Variants in MIER2 observed in about 807,000 individuals in gnomAD.
The protein encoded by MIER2 is mesoderm induction early response protein 2.
A neutral mutation model predicts 67.6 loss-of-function variants in MIER2; 30 were observed. The observed-to-expected ratio is 0.44, with a 90% CI of 0.33 to 0.60. MIER2 has a LOEUF of 0.60. MIER2 is among the 20% of genes least tolerant of loss of function. MIER2 has a pLI of 0.02. For synonymous variants in MIER2, 372 were observed against 312.6 expected (o/e 1.19, Z -2.00); for missense variants, 702 against 745.1 (o/e 0.94, Z 0.67).
chr19:326,978 A>G, intron 5 of MIER2, 155 bp downstream of exon 5: 1 of 1,083,318 alleles, frequency 9.2e-7, no homozygotes. Flanking sequence ...GAGGAGAACA[A>G]AGCACCCCCA....
Position 306,456 on chromosome 19 carries a change from G to A in MIER2, c.*234C>T. The A allele has an allele frequency of 1.6e-6, 1 of 619,174 alleles. No homozygotes were observed. Among genetic ancestry groups the A allele is most frequent in the Non-Finnish European group, 2.8e-6 (1 of 355,684 alleles). 38.4% of individuals were successfully genotyped at this position (619,174 alleles called of 1,614,324 possible). On this transcript the variant is annotated 3_prime_UTR_variant, in exon 14 of 14. Coordinates refer to ENST00000264819, the MANE Select transcript of MIER2 (RefSeq NM_017550.3). ...CGTGCAGGCAGCGGCCCGGACCCGG[G>A]TGGCAGTGCCGGGCGCTGACGGCGC... is the stretch of plus-strand genomic sequence containing the variant.
At position 333,287 on chromosome 19, in the gene MIER2, C is replaced by T. The variant is rs1250045328; in HGVS notation, c.243+1113G>A. ...TGCTGGGATTACAAGCATGAGCCACCGCGCCCAACAATTTTTGTATTTTTA... is the reference window on the plus strand; with the variant it reads ...TGCTGGGATTACAAGCATGAGCCACTGCGCCCAACAATTTTTGTATTTTTA... On this transcript the variant is annotated intron_variant, in intron 3 of 13. Coordinates refer to ENST00000264819, the MANE Select transcript of MIER2 (RefSeq NM_017550.3). Among the ~76,000 whole-genome samples, 22 of 75,952 alleles carry T rather than the reference C, an allele frequency of 2.9e-4. 4 individuals carry two copies. Among genetic ancestry groups the T allele is most frequent in the Non-Finnish European group, 3.7e-4 (16 of 43,172 alleles). 49.8% of individuals were successfully genotyped at this position (75,952 alleles called of 152,430 possible).
At position 340,213 on chromosome 19, in the gene MIER2, C is replaced by T. The variant is rs1330450631; in HGVS notation, c.10-4040G>A. 3.3e-5 allele frequency among the ~76,000 whole-genome samples: 5 copies of T among 152,108 alleles called. 1 individual carries two copies. The highest frequency in any genetic ancestry group is 4.1e-4 in the South Asian group (2 of 4,824). ...AGTTACAAAGTGGAGCTCAGGCCAG[C>T]GGCTTGCAAACACCTTCCAGCCCAT... On this transcript the variant is annotated intron_variant, in intron 1 of 13. Transcript: ENST00000264819.
At chr19:307,052 T>A in intron 13 of MIER2, 67 bp downstream of exon 13, 2 of 1,497,932 alleles carry the variant, frequency 1.3e-6, no homozygotes, top group Non-Finnish European at 1.8e-6. Flanking sequence ...CCTCCTCTGC[T>A]CAGCCTGAGG....
At position 306,714 on chromosome 19, in the gene MIER2, G is replaced by A. The variant is rs1202338043; in HGVS notation, c.1617-3C>T. 1 of 1,560,236 alleles carries A rather than the reference G, an allele frequency of 6.4e-7. No individual in the cohort carries two copies. Among genetic ancestry groups the A allele is most frequent in the Non-Finnish European group, 8.7e-7 (1 of 1,152,140 alleles). The stretch of plus-strand genomic sequence containing the variant: ...GTCAGCAGGTCATCACGTTACAGCT[G>A]CAGGGGAGAGACCAAGAGAGACGCA... On this transcript the variant is annotated splice_region_variant and splice_polypyrimidine_tract_variant and intron_variant, in intron 13 of 13. Coordinates refer to ENST00000264819, the MANE Select transcript of MIER2 (RefSeq NM_017550.3).
chr19:309,838 A>G (rs201564437), intron 10 of MIER2, among the ~76,000 whole-genome samples: 14 of 111,240 alleles, frequency 1.3e-4, no homozygotes, highest in African/African-American at 1.9e-4. Context: ...ACACACACAC[A>G]CACGCACACA....
intron 10 of MIER2, among the ~76,000 whole-genome samples, chr19:310,229 C>G (rs1415011635): frequency 1.3e-5 from 2 of 152,230 alleles, no homozygotes; most frequent in Non-Finnish European, 2.9e-5. Flanking sequence ...GACCCCCTCA[C>G]CTGGACATGC....
rs979384465 is a variant in MIER2 at position 306,419 on chromosome 19, C to T, written c.*271G>A. 7 of 586,808 alleles carry T rather than the reference C, an allele frequency of 1.2e-5. No individual in the cohort carries two copies. Among genetic ancestry groups the T allele is most frequent in the South Asian group, 2.1e-5 (1 of 48,598 alleles). 36.4% of individuals were successfully genotyped at this position (586,808 alleles called of 1,614,324 possible). On this transcript the variant is annotated 3_prime_UTR_variant, in exon 14 of 14. Transcript: ENST00000264819. The stretch of plus-strand genomic sequence containing the variant: ...GGGGTCTCTTCTGTCCCCGGCTGCC[C>T]GACGGATCCCACGTGCAGGCAGCGG...
chr19:327,850 G>A lies in MIER2; in HGVS notation c.369+14C>T. The A allele has an allele frequency of 1.2e-6, 2 of 1,610,608 alleles. No individual in the cohort carries two copies. Among genetic ancestry groups the A allele is most frequent in the Non-Finnish European group, 1.7e-6 (2 of 1,178,366 alleles). On this transcript the variant is annotated intron_variant, in intron 4 of 13. Coordinates refer to ENST00000264819, the MANE Select transcript of MIER2 (RefSeq NM_017550.3). ...TTCAGCTGTGAGCCAGTTCCAGGAA[G>A]GGCCCTCACTTACTTTGTCCAGGGT...
intron 3 of MIER2, among the ~76,000 whole-genome samples, chr19:332,304 ATTTTT>A (rs1235743400): frequency 6.6e-6 from 1 of 151,224 alleles, no homozygotes; most frequent in Admixed American, 6.6e-5. Flanking sequence ...TTACATGTCA[ATTTTT>A]TTTGTTTTTT....
intron 1 of MIER2, chr19:343,928 G>C (rs1972621187): frequency 1.0e-6 from 1 of 985,430 alleles, no homozygotes; most frequent in Non-Finnish European, 1.2e-6. Flanking sequence ...TTCCTGGTTT[G>C]ACCTGACACG....
At chr19:311,558 G>A (rs758317135) in intron 10 of MIER2, among the ~76,000 whole-genome samples, 2 of 152,182 alleles carry the variant, frequency 1.3e-5, no homozygotes, top group Non-Finnish European at 2.9e-5. Context: ...TTGAAGATGA[G>A]GTGCCCAGGG....
At chr19:341,492 G>A (rs1251100016) in intron 1 of MIER2, among the ~76,000 whole-genome samples, 1 of 152,146 alleles carries the variant, frequency 6.6e-6, no homozygotes, top group African/African-American at 2.4e-5. Context: ...AGCAGCCTGG[G>A]ATCCCCAAGT....
intron 1 of MIER2, chr19:344,291 G>A: frequency 1.0e-6 from 1 of 984,958 alleles, no homozygotes; most frequent in Non-Finnish European, 1.2e-6. Flanking sequence ...GCGGGCGGCG[G>A]AGGCGCGGTG....
At chr19:338,120 C>G (rs1391156584) in intron 1 of MIER2, among the ~76,000 whole-genome samples, 1 of 143,070 alleles carries the variant, frequency 7.0e-6, no homozygotes, top group East Asian at 2.0e-4. Flanking sequence ...TGCAGTGAGC[C>G]GAGATCGTGC....
chr19:308,845 C>T lies in MIER2; in HGVS notation c.1065G>A (p.Gln355=). Reference sequence around the variant, plus strand: ...ACTTCCTCCGGCCCAGCCGCGTCTGCTGGGCGAAGTAGTCGTAGCGCTCCG... The same window carrying T: ...ACTTCCTCCGGCCCAGCCGCGTCTGTTGGGCGAAGTAGTCGTAGCGCTCCG... ...KKSERYDYFA[Q]QTRLGRRKYV... Residue 355 remains glutamine, a synonymous_variant, in exon 11 of 14, where the codon CAG becomes CAA. Coordinates refer to ENST00000264819, the MANE Select transcript of MIER2 (RefSeq NM_017550.3). This position sits in a 1 kb window ranked among gnomAD's most constrained non-coding sequence, Gnocchi z 9.1. 1 of 1,610,524 alleles carries T rather than the reference C, an allele frequency of 6.2e-7. No homozygotes were observed. Among genetic ancestry groups the T allele is most frequent in the Non-Finnish European group, 8.5e-7 (1 of 1,177,576 alleles).
At chr19:322,042 C>G (rs1228545427) in intron 7 of MIER2, among the ~76,000 whole-genome samples, 1 of 151,984 alleles carries the variant, frequency 6.6e-6, no homozygotes, top group Non-Finnish European at 1.5e-5. Flanking sequence ...GTAGCTGGGA[C>G]TACAGGTGCC....
chr19:308,752 CCCGG>C lies in MIER2; in HGVS notation c.1109+45_1109+48del. The C allele has an allele frequency of 2.5e-6, 4 of 1,593,440 alleles. No homozygotes were observed. The highest frequency in any genetic ancestry group is 3.4e-6 in the Non-Finnish European group (4 of 1,165,406). On this transcript the variant is annotated intron_variant, in intron 11 of 13. Coordinates refer to ENST00000264819, the MANE Select transcript of MIER2 (RefSeq NM_017550.3). The surrounding 1 kb of genome is among the most constrained non-coding windows in gnomAD (Gnocchi z 9.1). ...CCGCCCAGGCGCCCACGTGCCCACCCCCGGCGGGGTGGCCGCCTGTCGTTACTGC... is the reference window on the plus strand; with the variant it reads ...CCGCCCAGGCGCCCACGTGCCCACCCCGGGGTGGCCGCCTGTCGTTACTGC...
chr19:344,721 G>C lies in MIER2; in HGVS notation c.9+53C>G, dbSNP rs1972668438. 11 of 1,103,568 alleles carry C rather than the reference G, an allele frequency of 1.0e-5. No individual in the cohort carries two copies. In the South Asian group the frequency reaches 3.1e-4, roughly 31 times the overall value. The allele number at this position is 1,103,568 out of a possible 1,614,324, so 68.4% of individuals were successfully genotyped here. A position where few individuals can be genotyped will look rare whatever the true frequency, so the allele number is the denominator to read the frequency against. On this transcript the variant is annotated intron_variant, in intron 1 of 13. Transcript: ENST00000264819. ...CGACGAGGCCGAGCCACGGCGGCGG[G>C]GGGCGCGGACGCGCGGGGGCGGGGG...
Sources: allele counts gnomAD v4.1 joint callset (sites outside exome capture counted in the v4.1 genomes callset), GRCh38; gene constraint gnomAD v4.1.1; non-coding constraint Gnocchi (gnomAD v3.1); transcripts MANE v1.5; gene names NCBI Gene and HGNC (gene_info 2026-07-23, HGNC 2026-07-21).